The following GOLIM4 variants were observed in gnomAD, a reference collection of about 807,000 sequenced individuals.
GOLIM4 encodes the protein 130 kDa golgi-localized phosphoprotein.
In GOLIM4, 71 loss-of-function variants were observed where a neutral mutation model predicts 107.4. The observed-to-expected ratio is 0.66, with a 90% confidence interval of 0.55 to 0.81. GOLIM4 has a LOEUF of 0.81. GOLIM4 is among the 30% of genes least tolerant of loss of function. GOLIM4 has a pLI of 0.00. For synonymous variants in GOLIM4, 327 were observed against 294.8 expected (o/e 1.11, Z -1.12); for missense variants, 830 against 826.1 (o/e 1.00, Z -0.06).
rs1282644674 is a variant in GOLIM4 at position 168,025,045 on chromosome 3, A to C, written c.1674T>G (p.Gly558=). Residue 558 remains glycine, a synonymous_variant, in exon 13 of 16, where the codon GGT becomes GGG. Coordinates refer to ENST00000470487, the MANE Select transcript of GOLIM4 (RefSeq NM_014498.5). ...INPADDPNNQ[G]EDEFEEAEQV... ...GCTCGGCTTCTTCAAATTCATCCTC[A>C]CCTTGATTATTAGGGTCATCTGCTG... 6.2e-7 allele frequency: 1 copy of C among 1,613,652 alleles called. No individual in the cohort carries two copies. Among genetic ancestry groups the C allele is most frequent in the East Asian group, 2.2e-5 (1 of 44,866 alleles).
rs73878627 is a variant in GOLIM4, at chr3:168,063,973, G to T, written c.188-15608C>A. ...TCTGAGGATGATGTGACATAAAGAGGATTTGGAGGATTTTGTGAAAGTTTA... is the reference window on the plus strand; with the variant it reads ...TCTGAGGATGATGTGACATAAAGAGTATTTGGAGGATTTTGTGAAAGTTTA... On this transcript the variant is annotated intron_variant, in intron 1 of 15. Coordinates refer to ENST00000470487, the MANE Select transcript of GOLIM4 (RefSeq NM_014498.5). Among the ~76,000 whole-genome samples the T allele has an allele frequency of 4.0e-3, 610 of 152,284 alleles. 4 individuals carry two copies. Among genetic ancestry groups the T allele is most frequent in the African/African-American group, 0.014 (591 of 41,560 alleles).
intron 1 of GOLIM4, among the ~76,000 whole-genome samples, chr3:168,069,511 A>G (rs1236769525): frequency 6.6e-6 from 1 of 152,218 alleles, no homozygotes; most frequent in Non-Finnish European, 1.5e-5. Context: ...TAGGAAAAAA[A>G]TTAGCAGAGA....
At chr3:168,033,050 T>C (rs1577520222) in intron 8 of GOLIM4, among the ~76,000 whole-genome samples, 198 bp from the exon 9 acceptor site, 1 of 152,266 alleles carries the variant, frequency 6.6e-6, no homozygotes, top group East Asian at 1.9e-4. Flanking sequence ...ATAGACATAA[T>C]ATAAGCAAAA....
intron 7 of GOLIM4, among the ~76,000 whole-genome samples, chr3:168,038,619 C>A (rs536208372): frequency 5.9e-4 from 90 of 152,266 alleles, no homozygotes; most frequent in African/African-American, 2.0e-3. Flanking sequence ...ATATAACTCA[C>A]AAGGTTGTGA....
In GOLIM4 at chr3:168,095,292, G is replaced by C. The variant is rs753943279; in HGVS notation, c.-7C>G. ...AGCACATCCCGTTTCCCATAGTCCC[G>C]CCTGGACCCAAAGCCGCGGCCGCCC... On this transcript the variant is annotated 5_prime_UTR_variant, in exon 1 of 16. Transcript: ENST00000470487. The C allele has an allele frequency of 6.2e-7, 1 of 1,610,226 alleles. No individual in the cohort carries two copies. Among genetic ancestry groups the C allele is most frequent in the Admixed American group, 1.7e-5 (1 of 59,774 alleles).
At chr3:168,066,181 T>C (rs1277915510) in intron 1 of GOLIM4, among the ~76,000 whole-genome samples, 1 of 151,930 alleles carries the variant, frequency 6.6e-6, no homozygotes, top group Non-Finnish European at 1.5e-5. Context: ...TTAAGATCTT[T>C]TTTTTTTTCT....
chr3:168,024,850 TGACTA>T (rs1218026927), intron 13 of GOLIM4, 73 bp downstream of exon 13: 8 of 1,416,906 alleles, frequency 5.6e-6, no homozygotes, highest in Admixed American at 3.5e-5. Flanking sequence ...ATGTGGAATA[TGACTA>T]ACCTTTTACA....
intron 1 of GOLIM4, among the ~76,000 whole-genome samples, chr3:168,051,350 C>A (rs1719634906): frequency 6.6e-6 from 1 of 152,168 alleles, no homozygotes; most frequent in South Asian, 2.1e-4. Flanking sequence ...CTGTCTTTGA[C>A]AGTTCCACAC....
chr3:168,068,571 G>GT (rs35860368), intron 1 of GOLIM4, among the ~76,000 whole-genome samples: 4,763 of 150,670 alleles, frequency 0.032, 239 homozygotes, highest in African/African-American at 0.11. Flanking sequence ...CTTAAGGATA[G>GT]TTTTTTTTTA....
At chr3:168,076,286 T>C (rs1208026439) in intron 1 of GOLIM4, among the ~76,000 whole-genome samples, 1 of 152,262 alleles carries the variant, frequency 6.6e-6, no homozygotes, top group Non-Finnish European at 1.5e-5. Context: ...ACCAGAAGTT[T>C]ACATAAAATT....
chr3:168,046,251 T>G (rs892667368), intron 3 of GOLIM4, among the ~76,000 whole-genome samples: 1 of 152,118 alleles, frequency 6.6e-6, no homozygotes, highest in Non-Finnish European at 1.5e-5. Flanking sequence ...AAGAAAAGAG[T>G]AGCTTTTATC....
intron 1 of GOLIM4, among the ~76,000 whole-genome samples, chr3:168,082,660 T>C (rs908484679): frequency 6.6e-6 from 1 of 152,138 alleles, no homozygotes; most frequent in African/African-American, 2.4e-5. Flanking sequence ...TTCCTCATTT[T>C]GGTTTTGTCA....
intron 2 of GOLIM4, among the ~76,000 whole-genome samples, chr3:168,047,491 T>A (rs1719379625): frequency 6.6e-6 from 1 of 152,172 alleles, no homozygotes; most frequent in African/African-American, 2.4e-5. Context: ...CCAAATCTTA[T>A]CAAAGCATTT....
At chr3:168,077,052 G>C (rs1467732552) in intron 1 of GOLIM4, among the ~76,000 whole-genome samples, 1 of 152,116 alleles carries the variant, frequency 6.6e-6, no homozygotes, top group African/African-American at 2.4e-5. Context: ...GTACACAAAT[G>C]TGACTAAAAT....
rs11411251 is a variant in GOLIM4, at chr3:168,030,510, C to CAAAAAAAAAAAA, written c.1177-486_1177-475dup. ...ATACCAATCCCAGGCTAAGCATAGC[C>CAAAAAAAAAAAA]AAAAAAAAAAAAAAAAAAAGCCACA... On this transcript the variant is annotated intron_variant, in intron 9 of 15. Transcript: ENST00000470487. Among the ~76,000 whole-genome samples, 4 of 102,450 alleles carry CAAAAAAAAAAAA rather than the reference C, an allele frequency of 3.9e-5. 1 individual carries two copies. Among genetic ancestry groups the CAAAAAAAAAAAA allele is most frequent in the African/African-American group, 7.1e-5 (2 of 28,036 alleles). The allele number at this position is 102,450 out of a possible 152,430, so 67.2% of individuals were successfully genotyped here. A position where few individuals can be genotyped will look rare whatever the true frequency, so the allele number is the denominator to read the frequency against.
At chr3:168,071,420 C>A (rs191207291) in intron 1 of GOLIM4, among the ~76,000 whole-genome samples, 1 of 151,990 alleles carries the variant, frequency 6.6e-6, no homozygotes, top group African/African-American at 2.4e-5. Context: ...GCTCTCTAGG[C>A]AGGAATGATG....
intron 1 of GOLIM4, among the ~76,000 whole-genome samples, chr3:168,086,061 T>A (rs1056463825): frequency 6.6e-6 from 1 of 152,106 alleles, no homozygotes; most frequent in Admixed American, 6.6e-5. Flanking sequence ...GTAAAAAAAA[T>A]TATTTTTCAT....
intron 14 of GOLIM4, among the ~76,000 whole-genome samples, chr3:168,014,555 T>C (rs1717253352): frequency 7.7e-6 from 1 of 129,658 alleles, no homozygotes; most frequent in East Asian, 2.0e-4. Flanking sequence ...CCAGCATCAT[T>C]CTGATACAAA....
chr3:168,049,655 C>T lies in GOLIM4; in HGVS notation c.188-1290G>A, dbSNP rs187397643. 2.0e-5 allele frequency among the ~76,000 whole-genome samples: 3 copies of T among 152,248 alleles called. No homozygotes were observed. The East Asian group carries it at 5.8e-4, about 29-fold the overall frequency. ...ACCATATACAATTCACAGAACAGCC[C>T]CAACACTACTGGCTGCTGCCAAAGT... On this transcript the variant is annotated intron_variant, in intron 1 of 15. Coordinates refer to ENST00000470487, the MANE Select transcript of GOLIM4 (RefSeq NM_014498.5).
Sources: allele counts gnomAD v4.1 joint callset (sites outside exome capture counted in the v4.1 genomes callset), GRCh38; gene constraint gnomAD v4.1.1; transcripts MANE v1.5; gene names NCBI Gene and HGNC (gene_info 2026-07-23, HGNC 2026-07-21).